Variants in HMGCLL1 observed in about 807,000 individuals in gnomAD.
The protein encoded by HMGCLL1 is 3-hydroxymethyl-3-methylglutaryl-CoA lyase, cytoplasmic.
HMGCLL1 carries 36 observed loss-of-function variants against 39.1 expected under a neutral mutation model. The observed-to-expected ratio is 0.92, with a 90% CI of 0.71 to 1.22. The LOEUF (loss-of-function observed/expected upper bound fraction) is 1.22. HMGCLL1 is among the 50% of genes most tolerant of loss of function. The probability of loss-of-function intolerance (pLI) is 0.00; values close to 1 mark genes in which losing one functional copy is unlikely to be tolerated. For synonymous variants in HMGCLL1, 149 were observed against 144.0 expected (o/e 1.03, Z -0.25); for missense variants, 451 against 416.5 (o/e 1.08, Z -0.72).
At chr6:55,659,703 TC>T in the HMGCLL1 span, among the ~76,000 whole-genome samples, 1 of 151,894 alleles carries the variant, frequency 6.6e-6, no homozygotes, top group South Asian at 2.1e-4. Flanking sequence ...TTTCTATCTA[TC>T]CTGAAGTTCT....
intron 1 of HMGCLL1, among the ~76,000 whole-genome samples, 185 bp from the exon 2 acceptor site, chr6:55,542,325 C>CT (rs1769488639): frequency 6.6e-6 from 1 of 151,786 alleles, no homozygotes; most frequent in Non-Finnish European, 1.5e-5. Flanking sequence ...GTATTTTTTC[C>CT]TTATAACCAA....
intron 1 of HMGCLL1, among the ~76,000 whole-genome samples, chr6:55,568,710 A>G (rs962089758): frequency 1.3e-5 from 2 of 152,128 alleles, no homozygotes; most frequent in African/African-American, 2.4e-5. Flanking sequence ...TCCCTTTCAA[A>G]TCTGAATTTC....
the HMGCLL1 span, among the ~76,000 whole-genome samples, chr6:55,649,548 C>CCTT: frequency 6.6e-6 from 1 of 151,746 alleles, no homozygotes; most frequent in African/African-American, 2.4e-5. Flanking sequence ...TTATTAAATG[C>CCTT]CTTGAGGTAG....
chr6:55,511,670 T>C (rs1767470402), intron 5 of HMGCLL1, among the ~76,000 whole-genome samples: 1 of 152,110 alleles, frequency 6.6e-6, no homozygotes, highest in Non-Finnish European at 1.5e-5. Flanking sequence ...TGAGCATGGC[T>C]CCTTTCCTTA....
chr6:55,480,043 T>G (rs2127412369), intron 7 of HMGCLL1, among the ~76,000 whole-genome samples: 2 of 151,774 alleles, frequency 1.3e-5, no homozygotes, highest in Non-Finnish European at 2.9e-5. Flanking sequence ...CTTTTAGTAA[T>G]TTCACAGTTT....
the HMGCLL1 span, among the ~76,000 whole-genome samples, chr6:55,597,809 A>T: frequency 6.6e-6 from 1 of 152,204 alleles, no homozygotes; most frequent in Non-Finnish European, 1.5e-5. Context: ...ACAAAAGTAA[A>T]TCACTTTAAA....
chr6:55,675,775 C>T, the HMGCLL1 span, among the ~76,000 whole-genome samples: 1 of 152,084 alleles, frequency 6.6e-6, no homozygotes, highest in South Asian at 2.1e-4. Flanking sequence ...TTTATTCCAT[C>T]TGAATGCAAA....
At chr6:55,583,717 C>T (rs1351032506), upstream of HMGCLL1, among the ~76,000 whole-genome samples, 1 of 152,020 alleles carries the variant, frequency 6.6e-6, no homozygotes, top group Non-Finnish European at 1.5e-5. Flanking sequence ...ATTTATTTTT[C>T]TATAGGAATC....
the HMGCLL1 span, among the ~76,000 whole-genome samples, chr6:55,650,498 C>A: frequency 6.6e-6 from 1 of 151,842 alleles, no homozygotes; most frequent in African/African-American, 2.4e-5. Flanking sequence ...TTGTGCTGAG[C>A]CACTGGAACT....
chr6:55,604,321 A>G, the HMGCLL1 span, among the ~76,000 whole-genome samples: 1 of 152,194 alleles, frequency 6.6e-6, no homozygotes, highest in Admixed American at 6.6e-5. Flanking sequence ...TTTAACTTCC[A>G]TAGTTATTTT....
intron 7 of HMGCLL1, among the ~76,000 whole-genome samples, chr6:55,487,107 A>C (rs1276822067): frequency 1.3e-5 from 2 of 152,074 alleles, no homozygotes; most frequent in Non-Finnish European, 2.9e-5. Context: ...AAAGATTCAG[A>C]CCATAGCACC....
At chr6:55,487,211 T>TA (rs375469099) in intron 7 of HMGCLL1, among the ~76,000 whole-genome samples, 10 of 152,192 alleles carry the variant, frequency 6.6e-5, no homozygotes, top group African/African-American at 2.4e-4. Flanking sequence ...CTTTTTTTTT[T>TA]ACAATTTGTG....
At chr6:55,535,477 G>A (rs1768960780) in intron 3 of HMGCLL1, among the ~76,000 whole-genome samples, 1 of 152,160 alleles carries the variant, frequency 6.6e-6, no homozygotes, top group South Asian at 2.1e-4. Context: ...TCAATTAAGT[G>A]AGAGTTGGGT....
chr6:55,605,897 G>T, the HMGCLL1 span, among the ~76,000 whole-genome samples: 1 of 152,106 alleles, frequency 6.6e-6, no homozygotes, highest in Admixed American at 6.6e-5. Flanking sequence ...TTCCATCAAT[G>T]ATATAGGTGC....
the HMGCLL1 span, among the ~76,000 whole-genome samples, chr6:55,663,917 T>G: frequency 1.3e-5 from 2 of 151,924 alleles, no homozygotes; most frequent in Non-Finnish European, 2.9e-5. Flanking sequence ...CCTTTACCAT[T>G]ATGTAATGCC....
At chr6:55,634,381 T>C in the HMGCLL1 span, among the ~76,000 whole-genome samples, 1 of 147,114 alleles carries the variant, frequency 6.8e-6, no homozygotes, top group East Asian at 2.0e-4. Context: ...CTATATGTCT[T>C]AAACCTCAGA....
intron 1 of HMGCLL1, among the ~76,000 whole-genome samples, chr6:55,564,861 G>C (rs1467445138): frequency 2.6e-5 from 4 of 151,300 alleles, no homozygotes; most frequent in Non-Finnish European, 5.9e-5. Context: ...AAACCACTAT[G>C]GAATAACTTT....
the HMGCLL1 span, among the ~76,000 whole-genome samples, chr6:55,600,611 GGACA>G: frequency 6.6e-6 from 1 of 151,836 alleles, no homozygotes; most frequent in African/African-American, 2.4e-5. Context: ...TTTTGTTAAT[GGACA>G]GCCTTTTAAA....
chr6:55,651,006 C>T, the HMGCLL1 span, among the ~76,000 whole-genome samples: 1 of 152,046 alleles, frequency 6.6e-6, no homozygotes, highest in East Asian at 1.9e-4. Context: ...ACTTGGGGAC[C>T]CTAAGAGCCT....
Sources: gnomAD v4.1 joint callset for allele counts (sites outside exome capture counted in the v4.1 genomes callset) on GRCh38, gnomAD v4.1.1 for gene constraint, MANE v1.5 for transcripts, NCBI Gene and HGNC (gene_info 2026-07-23, HGNC 2026-07-21) for gene names.